Variants in ACYP2 observed in about 807,000 individuals in gnomAD.
The protein encoded by ACYP2 is acylphosphatase-2.
Under a neutral mutation model 11.2 loss-of-function variants are expected in ACYP2, and 12 were observed. That is an observed-to-expected ratio of 1.08 (90% confidence interval 0.69 to 1.74). The LOEUF (loss-of-function observed/expected upper bound fraction) is 1.74, where lower values mean the gene tolerates loss of function less well. Among genes scored for constraint, ACYP2 ranks in the 40% most tolerant of loss-of-function variants. The pLI is 0.00. For missense variants in ACYP2, 134 were observed against 101.9 expected (o/e 1.31, Z -1.35); for synonymous variants, 43 against 32.2 (o/e 1.33, Z -1.13).
chr2:54,284,255 C>T (rs1304842034), intron 6 of ACYP2, among the ~76,000 whole-genome samples: 2 of 152,206 alleles, frequency 1.3e-5, no homozygotes, highest in Admixed American at 6.5e-5. Context: ...GGTCAGAATA[C>T]TGGGGGATGC....
At chr2:54,096,860 G>T (rs1021127583) in intron 4 of ACYP2, among the ~76,000 whole-genome samples, 2 of 141,150 alleles carry the variant, frequency 1.4e-5, no homozygotes, top group Non-Finnish European at 3.2e-5. Flanking sequence ...GAGAGGGAGA[G>T]GGGGAGGGGG....
intron 6 of ACYP2, among the ~76,000 whole-genome samples, chr2:54,182,874 G>C (rs1254360600): frequency 6.6e-6 from 1 of 152,128 alleles, no homozygotes; most frequent in African/African-American, 2.4e-5. Context: ...TTACCAGGGA[G>C]ACCTGGCCCC....
In ACYP2 at chr2:54,242,255, C is replaced by T. The variant is rs538893562; in HGVS notation, c.405-62433C>T. Reference sequence around the variant, plus strand: ...AGTTGCAGTTTTGTCATCTATACAACGTCAAACAAGATGCAAACCACCAGG... The same window carrying T: ...AGTTGCAGTTTTGTCATCTATACAATGTCAAACAAGATGCAAACCACCAGG... On this transcript the variant is annotated intron_variant, in intron 6 of 6. Coordinates refer to ENST00000607452, the MANE Select transcript of ACYP2 (RefSeq NM_001320586.2). Among the ~76,000 whole-genome samples the T allele has an allele frequency of 1.3e-3, 203 of 152,314 alleles. 1 individual carries two copies. Among genetic ancestry groups the T allele is most frequent in the Middle Eastern group, 3.4e-3 (1 of 294 alleles).
At chr2:54,033,828 TAAAG>T (rs1039419019) in intron 2 of ACYP2, among the ~76,000 whole-genome samples, 1 of 152,124 alleles carries the variant, frequency 6.6e-6, no homozygotes, top group Non-Finnish European at 1.5e-5. Flanking sequence ...GTAACAGAAA[TAAAG>T]AAAGAACATA....
At chr2:54,000,135 T>A (rs1363065) in intron 2 of ACYP2, among the ~76,000 whole-genome samples, 115,680 of 151,256 alleles carry the variant, frequency 0.76, 45,343 homozygotes, top group African/African-American at 0.94. Flanking sequence ...AATTATATTA[T>A]TTTACTAAGA....
chr2:54,212,331 C>T (rs554258678), intron 6 of ACYP2, among the ~76,000 whole-genome samples: 1 of 152,228 alleles, frequency 6.6e-6, no homozygotes, highest in East Asian at 1.9e-4. Context: ...AAATAATTGT[C>T]ATAGATTACA....
intron 4 of ACYP2, among the ~76,000 whole-genome samples, chr2:54,101,793 T>G (rs1360879581): frequency 6.6e-6 from 1 of 152,178 alleles, no homozygotes; most frequent in Non-Finnish European, 1.5e-5. Flanking sequence ...AGAGCAGTTT[T>G]AGCTTAACGG....
At chr2:54,089,689 G>A (rs1205879580) in intron 4 of ACYP2, among the ~76,000 whole-genome samples, 1 of 151,902 alleles carries the variant, frequency 6.6e-6, no homozygotes, top group Non-Finnish European at 1.5e-5. Flanking sequence ...GCAGTGAGCC[G>A]TGACTGCACC....
intron 2 of ACYP2, among the ~76,000 whole-genome samples, chr2:54,036,284 G>A (rs1010823542): frequency 1.3e-5 from 2 of 152,084 alleles, no homozygotes; most frequent in East Asian, 1.9e-4. Flanking sequence ...TAGTAGAGAC[G>A]GGGTTTCACC....
chr2:54,033,311 C>A (rs1422561524), intron 2 of ACYP2, among the ~76,000 whole-genome samples: 2 of 151,776 alleles, frequency 1.3e-5, no homozygotes, highest in Non-Finnish European at 2.9e-5. Context: ...TATCTTCCGA[C>A]CTCACCCTTC....
At chr2:54,038,697 A>G (rs1269025341) in intron 2 of ACYP2, among the ~76,000 whole-genome samples, 1 of 43,862 alleles carries the variant, frequency 2.3e-5, no homozygotes, top group Non-Finnish European at 5.3e-5. Context: ...ATATATATAT[A>G]TATATATATA....
intron 6 of ACYP2, among the ~76,000 whole-genome samples, chr2:54,230,512 G>A (rs1053669682): frequency 4.0e-5 from 6 of 151,782 alleles, no homozygotes; most frequent in African/African-American, 1.5e-4. Context: ...ACCCGGCTAT[G>A]CGCCTGGCCA....
chr2:54,212,856 G>T (rs1685384173), intron 6 of ACYP2, among the ~76,000 whole-genome samples: 1 of 151,122 alleles, frequency 6.6e-6, no homozygotes, highest in Non-Finnish European at 1.5e-5. Context: ...TAAATCACCT[G>T]TAATCTCACC....
chr2:54,072,485 T>TCTC (rs148598955), intron 4 of ACYP2, among the ~76,000 whole-genome samples: 5 of 56,960 alleles, frequency 8.8e-5, no homozygotes, highest in African/African-American at 2.4e-4. Flanking sequence ...TCTTTCTTTC[T>TCTC]TTTTTCTTTC....
intron 2 of ACYP2, among the ~76,000 whole-genome samples, chr2:54,011,800 G>GT (rs1673388032): frequency 1.3e-5 from 2 of 151,872 alleles, no homozygotes; most frequent in Non-Finnish European, 2.9e-5. Flanking sequence ...GAGTAGCTCA[G>GT]TAAGTTATCT....
At position 53,976,235 on chromosome 2, in the gene ACYP2, G is replaced by A. The variant is rs116218777; in HGVS notation, c.62+2425G>A. Among the ~76,000 whole-genome samples the A allele has an allele frequency of 7.4e-3, 1,119 of 152,046 alleles. 19 individuals carry two copies. The highest frequency in any genetic ancestry group is 0.026 in the African/African-American group (1,063 of 41,460). ...AATCTTTTTTTTCTTTTTTAGTCAG[G>A]GTTTCACTCTCTTACAGGCTGGAGT... On this transcript the variant is annotated intron_variant, in intron 2 of 6. Transcript: ENST00000607452.
At chr2:54,095,593 C>A (rs1382461351) in intron 4 of ACYP2, among the ~76,000 whole-genome samples, 1 of 147,984 alleles carries the variant, frequency 6.8e-6, no homozygotes, top group Non-Finnish European at 1.5e-5. Context: ...CCGGACGGGG[C>A]GGCTGGCCGA....
chr2:54,198,168 C>T (rs938661953), intron 6 of ACYP2, among the ~76,000 whole-genome samples: 8 of 152,078 alleles, frequency 5.3e-5, no homozygotes, highest in Middle Eastern at 3.4e-3. Flanking sequence ...TACAGGCCTG[C>T]GCCACTGCAC....
chr2:54,165,466 C>G (rs991037644), intron 6 of ACYP2, among the ~76,000 whole-genome samples: 56 of 152,008 alleles, frequency 3.7e-4, no homozygotes, highest in Middle Eastern at 3.4e-3. Flanking sequence ...CTGTCTGTCT[C>G]TCTCTTTCTC....
Sources: allele counts gnomAD v4.1 joint callset (sites outside exome capture counted in the v4.1 genomes callset), GRCh38; gene constraint gnomAD v4.1.1; transcripts MANE v1.5; gene names NCBI Gene and HGNC (gene_info 2026-07-23, HGNC 2026-07-21).